The following MORF4L1 variants were observed in gnomAD, a reference collection of about 807,000 sequenced individuals.
The protein encoded by MORF4L1 is mortality factor 4 like 1, also known as mortality factor 4-like protein 1.
In MORF4L1, 4 loss-of-function variants were observed where a neutral mutation model predicts 52.9. That is an observed-to-expected ratio of 0.08 (90% CI 0.04 to 0.17). The LOEUF (loss-of-function observed/expected upper bound fraction) is 0.17. Ranked by LOEUF, MORF4L1 falls within the 10% of genes least tolerant of loss-of-function variation. The pLI, the probability that MORF4L1 is intolerant of heterozygous loss-of-function variation, is 1.00. For synonymous variants in MORF4L1, 123 were observed against 134.8 expected (o/e 0.91, Z 0.61); for missense variants, 214 against 390.4 (o/e 0.55, Z 3.81).
intron 10 of MORF4L1, 185 bp downstream of exon 10, chr15:78,894,415 A>C (rs1596252633): frequency 4.2e-6 from 2 of 473,040 alleles, no homozygotes; most frequent in East Asian, 7.8e-5. Flanking sequence ...TTTATTTTAT[A>C]ATTTTTTTTT....
At chr15:78,880,102 C>G (rs2056573989) in intron 2 of MORF4L1, among the ~76,000 whole-genome samples, 2 of 152,184 alleles carry the variant, frequency 1.3e-5, no homozygotes, top group African/African-American at 4.8e-5. Context: ...TTTAAACTAA[C>G]TTTTCAGAAA....
At chr15:78,892,792 A>G (rs12050511) in intron 8 of MORF4L1, 19,820 of 153,840 alleles carry the variant, frequency 0.13, 1,360 homozygotes, top group East Asian at 0.26. Context: ...TGAGAATTTT[A>G]TAGGACAAAT....
chr15:78,885,843 C>T (rs1231899188), intron 3 of MORF4L1, among the ~76,000 whole-genome samples: 2 of 152,160 alleles, frequency 1.3e-5, no homozygotes, highest in Non-Finnish European at 2.9e-5. Flanking sequence ...TAACATAAGA[C>T]TAATCACTTA....
In MORF4L1 at chr15:78,894,899, C is replaced by T. The variant is rs2056861148; in HGVS notation, c.882C>T (p.Phe294=). 6.2e-7 allele frequency: 1 copy of T among 1,610,694 alleles called. No individual in the cohort carries two copies. The highest frequency in any genetic ancestry group is 1.3e-5 in the African/African-American group (1 of 74,784). The change falls in exon 11 of 12, where the codon TTC becomes TTT. Residue 294 remains phenylalanine, a synonymous_variant. Coordinates refer to ENST00000426013, the MANE Select transcript of MORF4L1 (RefSeq NM_006791.4). ...LALLLNYLHD[F]LKYLAKNSAT... is the part of the protein sequence containing the mutation. Reference sequence around the variant, plus strand: ...TATTACTCAATTATCTTCACGATTTCCTAAAGTAAGTCTGTGCTTGAAATT... The same window carrying T: ...TATTACTCAATTATCTTCACGATTTTCTAAAGTAAGTCTGTGCTTGAAATT...
At chr15:78,890,944 G>C in intron 5 of MORF4L1, 45 bp from the exon 6 acceptor site, 1 of 1,388,384 alleles carries the variant, frequency 7.2e-7, no homozygotes, top group Non-Finnish European at 9.5e-7. Context: ...AACAGAGGCA[G>C]TTTTACTGGA....
chr15:78,892,439 A>G, intron 8 of MORF4L1, 126 bp downstream of exon 8: 2 of 578,190 alleles, frequency 3.5e-6, no homozygotes. Context: ...TAATATTTTA[A>G]TTTAGAGGCT....
At chr15:78,896,435 C>T (rs917092787) in intron 11 of MORF4L1, among the ~76,000 whole-genome samples, 3 of 150,896 alleles carry the variant, frequency 2.0e-5, no homozygotes, top group South Asian at 4.2e-4. Flanking sequence ...CTCAGCCTCC[C>T]GAGTATCTGG....
chr15:78,879,590 A>C (rs1205870887), intron 2 of MORF4L1, among the ~76,000 whole-genome samples: 1 of 152,182 alleles, frequency 6.6e-6, no homozygotes, highest in East Asian at 1.9e-4. Context: ...GGAATTTCTA[A>C]GTATATGTAT....
chr15:78,887,055 G>A (rs1362275203), intron 4 of MORF4L1, among the ~76,000 whole-genome samples: 1 of 151,980 alleles, frequency 6.6e-6, no homozygotes, highest in East Asian at 1.9e-4. Context: ...TATGAGAACA[G>A]TCTATTACAG....
chr15:78,891,798 T>C, intron 7 of MORF4L1: 1 of 504,260 alleles, frequency 2.0e-6, no homozygotes, highest in Non-Finnish European at 3.5e-6. Flanking sequence ...AAGCTTCATG[T>C]TCACCTACAA....
intron 1 of MORF4L1, among the ~76,000 whole-genome samples, chr15:78,877,113 ATTTTTTTTTTT>A (rs60811430): frequency 9.8e-5 from 6 of 60,966 alleles, no homozygotes; most frequent in Non-Finnish European, 1.5e-4. Context: ...CGCCCGGCTG[ATTTTTTTTTTT>A]TTTTTTTTTT....
At chr15:78,874,909 A>T (rs577814275) in intron 1 of MORF4L1, among the ~76,000 whole-genome samples, 13 of 151,778 alleles carry the variant, frequency 8.6e-5, no homozygotes, top group Non-Finnish European at 1.3e-4. Context: ...TTAGTATTTC[A>T]ATTAACAGTG....
chr15:78,895,666 A>C (rs1055796125), intron 11 of MORF4L1, among the ~76,000 whole-genome samples: 1 of 152,220 alleles, frequency 6.6e-6, no homozygotes, highest in African/African-American at 2.4e-5. Context: ...CTTGTAGAGA[A>C]ACATTATTTT....
chr15:78,896,308 C>CTTTTTTTTTTTTTTTTTTTTTTTTTTTT (rs71148578), intron 11 of MORF4L1, among the ~76,000 whole-genome samples: 2 of 81,448 alleles, frequency 2.5e-5, no homozygotes, highest in Admixed American at 1.7e-4. Context: ...CTTTTCTTTT[C>CTTTTTTTTTTTTTTTTTTTTTTTTTTTT]TTTTTTTTTT....
At chr15:78,881,349 C>G (rs187210640) in intron 3 of MORF4L1, among the ~76,000 whole-genome samples, 215 of 151,982 alleles carry the variant, frequency 1.4e-3, no homozygotes, top group Non-Finnish European at 2.0e-3. Flanking sequence ...GCACCTGTCA[C>G]CATGCCCAGC....
At chr15:78,880,706 T>G in intron 3 of MORF4L1, 127 bp downstream of exon 3, 1 of 635,456 alleles carries the variant, frequency 1.6e-6, no homozygotes, top group Non-Finnish European at 2.7e-6. Context: ...GAAGCAAAGG[T>G]GAATCATTTG....
At chr15:78,876,045 C>T (rs2056482477) in intron 1 of MORF4L1, among the ~76,000 whole-genome samples, 1 of 151,800 alleles carries the variant, frequency 6.6e-6, no homozygotes, top group Admixed American at 6.6e-5. Flanking sequence ...TCAAGCGATT[C>T]ACCTGCCTCA....
chr15:78,880,683 TATA>T, intron 3 of MORF4L1, 104 bp downstream of exon 3: 1 of 766,278 alleles, frequency 1.3e-6, no homozygotes, highest in South Asian at 1.9e-5. Context: ...TTTAATGTAA[TATA>T]GTACATATTG....
rs1391994112 is a variant in MORF4L1, at chr15:78,880,529, A to G, written c.105A>G (p.Ile35Met). The G allele has an allele frequency of 1.9e-6, 3 of 1,602,028 alleles. No individual in the cohort carries two copies. The African/African-American group carries it at 4.0e-5, about 22-fold the overall frequency. ...LYEAKCVKVAIKDKQVKYFIH... is the reference protein window; with the variant it reads ...LYEAKCVKVAMKDKQVKYFIH... ...AATTTCAGTGTGTAAAGGTTGCCATAAAGGACAAACAAGTGAAATACTTCA... is the reference window on the plus strand; with the variant it reads ...AATTTCAGTGTGTAAAGGTTGCCATGAAGGACAAACAAGTGAAATACTTCA... The change falls in exon 3 of 12, where the codon ATA becomes ATG. Residue 35 changes from isoleucine to methionine, a missense_variant. Ile to Met is a conservative substitution (Grantham distance 10). Transcript: ENST00000426013.
Sources: allele counts gnomAD v4.1 joint callset (sites outside exome capture counted in the v4.1 genomes callset), GRCh38; gene constraint gnomAD v4.1.1; transcripts MANE v1.5; gene names NCBI Gene and HGNC (gene_info 2026-07-23, HGNC 2026-07-21).